Variants in NOP2 observed in about 807,000 individuals in gnomAD.
The protein encoded by NOP2 is 28S rRNA (cytosine(4447)-C(5))-methyltransferase.
A neutral mutation model predicts 72.7 loss-of-function variants in NOP2; 7 were observed. That is an observed-to-expected ratio of 0.10 (90% confidence interval 0.05 to 0.18). The LOEUF is 0.18. Among genes scored for constraint, NOP2 ranks in the 10% least tolerant of loss-of-function variants. The pLI is 1.00. For missense variants in NOP2, 954 were observed against 1,014.7 expected, an observed-to-expected ratio of 0.94 and a Z score of 0.81; for synonymous variants, 387 against 388.0, an observed-to-expected ratio of 1.00 and a Z score of 0.03.
At chr12:6,568,010 G>T in intron 1 of NOP2, 88 bp from the exon 2 acceptor site, 1 of 1,017,580 alleles carries the variant, frequency 9.8e-7, no homozygotes, top group Non-Finnish European at 1.5e-6. Flanking sequence ...AGTGGGAAAG[G>T]GCACAGCCTC....
rs769975593 is a variant in NOP2 at position 6,557,384 on chromosome 12, G to C, written c.2048C>G (p.Ala683Gly). Residue 683 changes from alanine (A) to glycine (G), a missense_variant, in exon 16 of 16, where the codon GCT (alanine) becomes GGT (glycine). By Grantham distance (60) the Ala-to-Gly change is moderately conservative (BLOSUM62 0). This residue lies in a region of NOP2 where 269 missense variants were observed against 260.2 expected (regional missense o/e 1.03). Transcript: ENST00000322166. ...CTCCCTGATCCCTTCGGCTTTTCCA[G>C]CTGGCTGACTGCTATCCTGGAAGCT... ...SSSFQDSSQP[A>G]GKAEGIREPK... The C allele has an allele frequency of 6.2e-7, 1 of 1,614,058 alleles. No individual in the cohort carries two copies. Among genetic ancestry groups the C allele is most frequent in the Non-Finnish European group, 8.5e-7 (1 of 1,179,900 alleles).
rs1947624562 is a variant in NOP2 at position 6,560,749 on chromosome 12, G to A, written c.1386C>T (p.Pro462=). The change falls in exon 13 of 16, where the codon CCC becomes CCT. Residue 462 remains proline, a synonymous_variant. Coordinates refer to ENST00000322166, the MANE Select transcript of NOP2 (RefSeq NM_001258308.2). The surrounding 1 kb of genome is among the most constrained non-coding windows in gnomAD (Gnocchi z 5.0). The part of the protein sequence containing the change: ...GGFDRVLLDA[P]CSGTGVISKD... ...TGGAGATGACCCCAGTGCCACTGCAGGGAGCATCCAGCAGTACTCGGTCAA... is the reference window on the plus strand; with the variant it reads ...TGGAGATGACCCCAGTGCCACTGCAAGGAGCATCCAGCAGTACTCGGTCAA... The A allele has an allele frequency of 1.2e-6, 2 of 1,613,510 alleles. No homozygotes were observed. The highest frequency in any genetic ancestry group is 8.5e-7 in the Non-Finnish European group (1 of 1,179,738).
In NOP2 at chr12:6,557,237, G is replaced by T; in HGVS notation, c.2195C>A (p.Ser732Tyr). 1 of 1,614,044 alleles carries T rather than the reference G, an allele frequency of 6.2e-7. No individual in the cohort carries two copies. The highest frequency in any genetic ancestry group is 1.1e-5 in the South Asian group (1 of 91,092). The change falls in exon 16 of 16, where the codon TCC becomes TAC. Residue 732 changes from serine to tyrosine, a missense_variant. Around this residue, in one of 3 missense-constraint regions of NOP2, gnomAD observed 269 missense variants for 260.2 expected, o/e 1.03. Transcript: ENST00000322166. The part of the protein sequence containing the change: ...GTDTQTPAVL[S>Y]PSKTQATLKP... Reference sequence around the variant, plus strand: ...CAGGGTGGCCTGAGTCTTGGATGGGGATAACACAGCCGGTGTTTGTGTGTC... The same window carrying T: ...CAGGGTGGCCTGAGTCTTGGATGGGTATAACACAGCCGGTGTTTGTGTGTC...
At chr12:6,561,846 G>A (rs1947659601) in intron 10 of NOP2, 38 bp downstream of exon 10, 4 of 1,609,280 alleles carry the variant, frequency 2.5e-6, no homozygotes, top group African/African-American at 1.3e-5. Context: ...TAGGGACAGG[G>A]ACAGAGGTAG....
chr12:6,556,975 C>T lies in NOP2; in HGVS notation c.*18G>A, dbSNP rs866519253. 4.3e-6 allele frequency: 7 copies of T among 1,613,112 alleles called. No individual in the cohort carries two copies. The highest frequency in any genetic ancestry group is 1.7e-5 in the Admixed American group (1 of 59,714). ...CTGGTGACAATGGCAGTGAGCCACCCGTCTAGTTTTCAACCATCTAAGATA... is the reference window on the plus strand; with the variant it reads ...CTGGTGACAATGGCAGTGAGCCACCTGTCTAGTTTTCAACCATCTAAGATA... On this transcript the variant is annotated 3_prime_UTR_variant, in exon 16 of 16. Coordinates refer to ENST00000322166, the MANE Select transcript of NOP2 (RefSeq NM_001258308.2).
chr12:6,565,155 ATT>A (rs34342403), intron 5 of NOP2, among the ~76,000 whole-genome samples: 41 of 135,924 alleles, frequency 3.0e-4, no homozygotes, highest in Non-Finnish European at 2.5e-4. Context: ...GGAAGCAGTT[ATT>A]TTTTTTTTTT....
intron 5 of NOP2, among the ~76,000 whole-genome samples, chr12:6,565,330 C>A (rs1947750251): frequency 6.6e-6 from 1 of 150,786 alleles, no homozygotes; most frequent in Non-Finnish European, 1.5e-5. Flanking sequence ...ATTTTTAAAC[C>A]ATTTTTTAAC....
rs1289639693 is a variant in NOP2 at position 6,566,786 on chromosome 12, G to A, written c.140C>T (p.Ala47Val). Residue 47 changes from alanine (A) to valine (V), a missense_variant, in exon 3 of 16, where the codon GCT (alanine) becomes GTT (valine). Physicochemically the swap from Ala to Val is moderately conservative, Grantham distance 64. Transcript: ENST00000322166. ...TGACACCCACACTTACCTCTTTCGA[G>A]CACGACTAGACAGCCTCTTGGAATT... ...DENSKRLSSR[A>V]RKRAAKRRLG... The A allele has an allele frequency of 9.9e-6, 16 of 1,613,148 alleles. No homozygotes were observed. Among genetic ancestry groups the A allele is most frequent in the Non-Finnish European group, 1.3e-5 (15 of 1,179,592 alleles).
rs1456434189 is a variant in NOP2 at position 6,566,347 on chromosome 12, G to C, written c.239-11C>G. 1 of 1,606,188 alleles carries C rather than the reference G, an allele frequency of 6.2e-7. No homozygotes were observed. The highest frequency in any genetic ancestry group is 1.1e-5 in the South Asian group (1 of 90,590). On this transcript the variant is annotated splice_polypyrimidine_tract_variant and intron_variant, in intron 4 of 15. Transcript: ENST00000322166. Reference sequence around the variant, plus strand: ...CTCCTGCAGAGATCCCTAAGGGTTTGAAGAGTCCTGGACTAATGGCAGCCA... The same window carrying C: ...CTCCTGCAGAGATCCCTAAGGGTTTCAAGAGTCCTGGACTAATGGCAGCCA...
At chr12:6,562,963 C>CG in intron 9 of NOP2, 118 bp downstream of exon 9, 1 of 1,016,260 alleles carries the variant, frequency 9.8e-7, no homozygotes, top group Non-Finnish European at 1.5e-6. Flanking sequence ...GTTTGCCCCC[C>CG]CAGGATCATG....
Position 6,561,893 on chromosome 12 carries a change from C to T in NOP2, c.1057G>A (p.Val353Met). 6.2e-7 allele frequency: 1 copy of T among 1,611,200 alleles called. No individual in the cohort carries two copies. Among genetic ancestry groups the T allele is most frequent in the Non-Finnish European group, 8.5e-7 (1 of 1,178,778 alleles). ...KTGLVVYDSS[V>M]PIGATPEYLA... The stretch of plus-strand genomic sequence containing the variant: ...GGTGGGGGAGACTTACCAATGGGCA[C>T]AGAAGAATCATACACCACTAGTCCA... Residue 353 changes from valine (V) to methionine (M), a missense_variant, in exon 10 of 16, where the codon GTG (valine) becomes ATG (methionine). Transcript: ENST00000322166.
chr12:6,560,431 A>G lies in NOP2; in HGVS notation c.1560+16T>C. The G allele has an allele frequency of 6.3e-7, 1 of 1,592,730 alleles. No individual in the cohort carries two copies. The highest frequency in any genetic ancestry group is 1.4e-5 in the African/African-American group (1 of 73,962). On this transcript the variant is annotated intron_variant, in intron 14 of 15. Coordinates refer to ENST00000322166, the MANE Select transcript of NOP2 (RefSeq NM_001258308.2). This position sits in a 1 kb window ranked among gnomAD's most constrained non-coding sequence, Gnocchi z 5.0. ...CCAGCCCAGCCTCCCCTGCTCTGCC[A>G]TGGCAGAGGTCTCACTGTGATAGAA... is the stretch of plus-strand genomic sequence containing the variant.
chr12:6,559,662 A>T (rs1271723153), intron 15 of NOP2, among the ~76,000 whole-genome samples: 1 of 152,202 alleles, frequency 6.6e-6, no homozygotes, highest in African/African-American at 2.4e-5. Context: ...ACTCCTCAAG[A>T]TGGCTGAGAA....
Position 6,561,979 on chromosome 12 carries a change from G to T in NOP2, c.979-8C>A, listed in dbSNP as rs1398711519. On this transcript the variant is annotated splice_polypyrimidine_tract_variant and splice_region_variant and intron_variant, in intron 9 of 15. Transcript: ENST00000322166. ...CCCACGATTGATTAGAGCCTGAAAA[G>T]GGATGAAGATTTTTTTTTTTTTTTT... 1 of 1,583,948 alleles carries T rather than the reference G, an allele frequency of 6.3e-7. No homozygotes were observed. Among genetic ancestry groups the T allele is most frequent in the Non-Finnish European group, 8.6e-7 (1 of 1,161,422 alleles).
At chr12:6,566,938 A>G in intron 2 of NOP2, 116 bp from the exon 3 acceptor site, 1 of 811,054 alleles carries the variant, frequency 1.2e-6, no homozygotes, top group Non-Finnish European at 2.0e-6. Flanking sequence ...GTCCATTTAA[A>G]TCTCAGCCCT....
Position 6,561,987 on chromosome 12 carries a change from G to GT in NOP2, c.979-17_979-16insA, listed in dbSNP as rs753216737. 7.2e-7 allele frequency: 1 copy of GT among 1,388,464 alleles called. No homozygotes were observed. The highest frequency in any genetic ancestry group is 1.0e-6 in the Non-Finnish European group (1 of 999,400). The allele number at this position is 1,388,464 out of a possible 1,614,324, so 86.0% of individuals were successfully genotyped here. On this transcript the variant is annotated splice_polypyrimidine_tract_variant and intron_variant, in intron 9 of 15. Transcript: ENST00000322166. ...TGATTAGAGCCTGAAAAGGGATGAA[G>GT]ATTTTTTTTTTTTTTTTTTGAGATG... is the stretch of plus-strand genomic sequence containing the variant.
intron 9 of NOP2, 38 bp downstream of exon 9, chr12:6,563,043 C>T (rs1239156256): frequency 6.6e-7 from 1 of 1,526,400 alleles, no homozygotes; most frequent in Non-Finnish European, 8.9e-7. Flanking sequence ...AAGTCACTTC[C>T]CTTCTGAGAT....
At chr12:6,562,075 A>T in intron 9 of NOP2, 104 bp from the exon 10 acceptor site, 1 of 807,780 alleles carries the variant, frequency 1.2e-6, no homozygotes, top group Non-Finnish European at 2.0e-6. Flanking sequence ...AGCAACCTCC[A>T]CCTCCCAGAT....
At position 6,563,325 on chromosome 12, in the gene NOP2, G is replaced by A. The variant is rs1413229850; in HGVS notation, c.878C>T (p.Pro293Leu). The A allele has an allele frequency of 6.9e-6, 11 of 1,593,862 alleles. No individual in the cohort carries two copies. Among genetic ancestry groups the A allele is most frequent in the Non-Finnish European group, 8.5e-6 (10 of 1,170,220 alleles). The stretch of plus-strand genomic sequence containing the variant: ...CTGGCAATCCAGTACCTCAGACAGA[G>A]GGAAGAGGTCCATGAGCTTGCCAAG... The part of the protein sequence containing the change: ...FLLGKLMDLF[P>L]LSELVEFLEA... Residue 293 changes from proline (P) to leucine (L), a missense_variant, in exon 8 of 16, where the codon CCT becomes CTT. Around this residue, in one of 3 missense-constraint regions of NOP2, gnomAD observed 498 missense variants for 478.3 expected, o/e 1.04. Coordinates refer to ENST00000322166, the MANE Select transcript of NOP2 (RefSeq NM_001258308.2).
Sources: allele counts gnomAD v4.1 joint callset (sites outside exome capture counted in the v4.1 genomes callset), GRCh38; gene constraint gnomAD v4.1.1; regional missense constraint gnomAD v4.1.1; non-coding constraint Gnocchi (gnomAD v3.1); transcripts MANE v1.5; gene names NCBI Gene and HGNC (gene_info 2026-07-23, HGNC 2026-07-21).